Variants in ITGBL1 observed in about 807,000 individuals in gnomAD.
The protein encoded by ITGBL1 is integrin beta-like protein 1.
A neutral mutation model predicts 68.5 loss-of-function variants in ITGBL1; 51 were observed. The observed-to-expected ratio is 0.74, with a 90% CI of 0.59 to 0.94. The LOEUF (loss-of-function observed/expected upper bound fraction) is 0.94. Ranked by LOEUF, ITGBL1 falls within the 40% of genes least tolerant of loss-of-function variation. The pLI is 0.00. For synonymous variants in ITGBL1, 209 were observed against 227.3 expected, an observed-to-expected ratio of 0.92 and a Z score of 0.72; for missense variants, 649 against 647.4, an observed-to-expected ratio of 1.00 and a Z score of -0.03.
chr13:101,686,642 T>C (rs1183419748), intron 7 of ITGBL1, among the ~76,000 whole-genome samples: 2 of 152,010 alleles, frequency 1.3e-5, no homozygotes, highest in African/African-American at 2.4e-5. Context: ...TATAGAAGAT[T>C]GGGTTTAAGG....
chr13:101,588,899 T>G, intron 6 of ITGBL1, among the ~76,000 whole-genome samples: 1 of 152,180 alleles, frequency 6.6e-6, no homozygotes, highest in East Asian at 1.9e-4. Flanking sequence ...AAGTTGCAAT[T>G]TTGTTTTATA....
intron 7 of ITGBL1, among the ~76,000 whole-genome samples, chr13:101,691,103 G>T (rs1017392603): frequency 6.6e-6 from 1 of 152,120 alleles, no homozygotes; most frequent in African/African-American, 2.4e-5. Flanking sequence ...GCCCACAGAC[G>T]TTGTGCCTTT....
intron 7 of ITGBL1, among the ~76,000 whole-genome samples, chr13:101,611,314 A>G (rs1204933206): frequency 1.3e-5 from 2 of 152,194 alleles, no homozygotes; most frequent in African/African-American, 4.8e-5. Flanking sequence ...GCGAGATTCA[A>G]GTTTTTCCAT....
intron 2 of ITGBL1, among the ~76,000 whole-genome samples, chr13:101,537,515 A>G (rs1185542503): frequency 6.6e-6 from 1 of 152,054 alleles, no homozygotes; most frequent in Non-Finnish European, 1.5e-5. Flanking sequence ...AGGTCAAATT[A>G]AAATGAAAGT....
At chr13:101,639,169 A>G (rs2032279726) in intron 7 of ITGBL1, among the ~76,000 whole-genome samples, 1 of 152,156 alleles carries the variant, frequency 6.6e-6, no homozygotes, top group Non-Finnish European at 1.5e-5. Context: ...AGCTGTTTAC[A>G]TTTGGAAGAT....
Position 101,687,240 on chromosome 13 carries a change from C to T in ITGBL1, c.1016-5345C>T, listed in dbSNP as rs576877283. 2.0e-4 allele frequency among the ~76,000 whole-genome samples: 31 copies of T among 151,716 alleles called. No individual in the cohort carries two copies. The South Asian group carries it at 4.0e-3, about 19-fold the overall frequency. On this transcript the variant is annotated intron_variant, in intron 7 of 10. Coordinates refer to ENST00000376180, the MANE Select transcript of ITGBL1 (RefSeq NM_004791.3). ...CCCATATCTAATCGTGTATTTCATACGAAACAGATTCTTAAATATTTGTTG... is the reference window on the plus strand; with the variant it reads ...CCCATATCTAATCGTGTATTTCATATGAAACAGATTCTTAAATATTTGTTG...
At chr13:101,500,954 A>G (rs1469003564) in intron 2 of ITGBL1, among the ~76,000 whole-genome samples, 1 of 152,176 alleles carries the variant, frequency 6.6e-6, no homozygotes, top group Non-Finnish European at 1.5e-5. Flanking sequence ...CAGTTCATCT[A>G]ACCTAATTGC....
chr13:101,476,173 A>G, intron 2 of ITGBL1, among the ~76,000 whole-genome samples: 1 of 146,976 alleles, frequency 6.8e-6, no homozygotes, highest in East Asian at 2.4e-4. Flanking sequence ...AATAGAAACA[A>G]TAAAAAGTTA....
chr13:101,630,125 T>G (rs1235745345), intron 7 of ITGBL1, among the ~76,000 whole-genome samples: 1 of 152,182 alleles, frequency 6.6e-6, no homozygotes, highest in Non-Finnish European at 1.5e-5. Context: ...CCTGGCCTTA[T>G]TTATTTTTTT....
chr13:101,646,348 T>TA (rs1485656591), intron 7 of ITGBL1, among the ~76,000 whole-genome samples: 17 of 152,160 alleles, frequency 1.1e-4, no homozygotes, highest in Middle Eastern at 3.4e-3. Context: ...TGAAAAAGCC[T>TA]AAAAAATATA....
intron 2 of ITGBL1, among the ~76,000 whole-genome samples, chr13:101,535,934 A>G (rs958062575): frequency 2.0e-5 from 3 of 152,056 alleles, no homozygotes; most frequent in Non-Finnish European, 2.9e-5. Context: ...TTTTTAAAGT[A>G]TATTTCTCAT....
intron 2 of ITGBL1, among the ~76,000 whole-genome samples, chr13:101,479,140 A>G (rs2048579349): frequency 6.6e-6 from 1 of 151,780 alleles, no homozygotes; most frequent in Non-Finnish European, 1.5e-5. Context: ...AATAGAGAAC[A>G]CATAAATAAA....
At chr13:101,682,641 C>T (rs1394578473) in intron 7 of ITGBL1, among the ~76,000 whole-genome samples, 2 of 151,874 alleles carry the variant, frequency 1.3e-5, no homozygotes, top group Non-Finnish European at 1.5e-5. Context: ...TTTTTGCCCT[C>T]AGTTCATTTT....
chr13:101,678,889 A>G (rs1260426613), intron 7 of ITGBL1, among the ~76,000 whole-genome samples: 1 of 150,248 alleles, frequency 6.7e-6, no homozygotes, highest in Non-Finnish European at 1.5e-5. Flanking sequence ...CCCCAAATAA[A>G]CTCATCTTCA....
rs533772907 is a variant in ITGBL1, at chr13:101,642,314, T to G, written c.1015+44015T>G. ...TGATTTACATTTCTCTGATGGCCAGTGATGGTGAGCATTTTTTCATGTGCT... is the reference window on the plus strand; with the variant it reads ...TGATTTACATTTCTCTGATGGCCAGGGATGGTGAGCATTTTTTCATGTGCT... On this transcript the variant is annotated intron_variant, in intron 7 of 10. Transcript: ENST00000376180. Among the ~76,000 whole-genome samples the G allele has an allele frequency of 7.2e-5, 11 of 152,344 alleles. No individual in the cohort carries two copies. The East Asian group carries it at 1.9e-3, about 27-fold the overall frequency.
At chr13:101,501,691 C>T (rs2048945326) in intron 2 of ITGBL1, among the ~76,000 whole-genome samples, 1 of 152,162 alleles carries the variant, frequency 6.6e-6, no homozygotes, top group Admixed American at 6.5e-5. Context: ...GTAAGGGCTA[C>T]ATGACCTTAG....
At position 101,502,222 on chromosome 13, in the gene ITGBL1, G is replaced by A. The variant is rs558615780; in HGVS notation, c.316+48122G>A. Among the ~76,000 whole-genome samples, 29 of 152,018 alleles carry A rather than the reference G, an allele frequency of 1.9e-4. No individual in the cohort carries two copies. The South Asian group carries it at 2.5e-3, about 13-fold the overall frequency. On this transcript the variant is annotated intron_variant, in intron 2 of 10. Coordinates refer to ENST00000376180, the MANE Select transcript of ITGBL1 (RefSeq NM_004791.3). ...TTTTCCAATTTAAAACATTTGCTTC[G>A]TTAAATAAAACACACATTAAGGAAA... is the stretch of plus-strand genomic sequence containing the variant.
intron 7 of ITGBL1, among the ~76,000 whole-genome samples, chr13:101,609,883 A>G (rs1018304261): frequency 2.0e-5 from 3 of 152,184 alleles, no homozygotes; most frequent in Non-Finnish European, 4.4e-5. Flanking sequence ...AACAGTTTGT[A>G]TCAAAGATAG....
intron 7 of ITGBL1, among the ~76,000 whole-genome samples, chr13:101,640,469 G>C (rs897696440): frequency 6.6e-6 from 1 of 151,724 alleles, no homozygotes; most frequent in Non-Finnish European, 1.5e-5. Context: ...ATTCTACCTG[G>C]GTACATTTTT....
Sources: allele counts gnomAD v4.1 joint callset (sites outside exome capture counted in the v4.1 genomes callset), GRCh38; gene constraint gnomAD v4.1.1; transcripts MANE v1.5; gene names NCBI Gene and HGNC (gene_info 2026-07-23, HGNC 2026-07-21).